Variants in AVPI1 observed in about 807,000 individuals in gnomAD.
The protein encoded by AVPI1 is arginine vasopressin induced 1.
Under a neutral mutation model 11.9 loss-of-function variants are expected in AVPI1, and 9 were observed. That is an observed-to-expected ratio of 0.76 (90% CI 0.46 to 1.32). The LOEUF (loss-of-function observed/expected upper bound fraction) is 1.32. AVPI1 is among the 40% of genes most tolerant of loss of function. The pLI is 0.00. For synonymous variants in AVPI1, 68 were observed against 78.1 expected (o/e 0.87, Z 0.68); for missense variants, 207 against 195.8 (o/e 1.06, Z -0.34).
chr10:97,683,425 T>G (rs535085056), intron 1 of AVPI1, among the ~76,000 whole-genome samples: 2 of 152,298 alleles, frequency 1.3e-5, no homozygotes, highest in South Asian at 2.1e-4. Context: ...TCCCAAAGTG[T>G]TGTGATTACA....
rs746461379 is a variant in AVPI1, at chr10:97,677,962, C to G, written c.351G>C (p.Glu117Asp). ...TTTTCTTCCTAGAGTGCAGATACTG[C>G]TCACTGGAGGCTGTCTCTGTGGCAC... Reference protein sequence around the residue: ...PQSATETASSEQYLHSRKKSA... With the variant: ...PQSATETASSDQYLHSRKKSA... Residue 117 changes from glutamate (E) to aspartate (D), a missense_variant, in exon 3 of 3, where the codon GAG becomes GAC. Coordinates refer to ENST00000370626, the MANE Select transcript of AVPI1 (RefSeq NM_021732.3). 1 of 1,614,070 alleles carries G rather than the reference C, an allele frequency of 6.2e-7. No homozygotes were observed. Among genetic ancestry groups the G allele is most frequent in the South Asian group, 1.1e-5 (1 of 91,086 alleles).
intron 1 of AVPI1, among the ~76,000 whole-genome samples, chr10:97,684,642 A>G (rs1341727013): frequency 6.6e-6 from 1 of 151,674 alleles, no homozygotes; most frequent in Non-Finnish European, 1.5e-5. Context: ...CTGGGATTAC[A>G]GGTGCCCACC....
rs750190187 is a variant in AVPI1 at position 97,679,612 on chromosome 10, A to T, written c.287+7T>A. ...CTTCCCTCAGCCATCCGGTTCTAGG[A>T]ACCTACCTGAGGCGGCTGCAGTGGT... On this transcript the variant is annotated splice_region_variant and intron_variant, in intron 2 of 2. Coordinates refer to ENST00000370626, the MANE Select transcript of AVPI1 (RefSeq NM_021732.3). The T allele has an allele frequency of 6.2e-6, 10 of 1,605,852 alleles. No homozygotes were observed. The highest frequency in any genetic ancestry group is 1.3e-5 in the African/African-American group (1 of 74,742).
intron 1 of AVPI1, among the ~76,000 whole-genome samples, chr10:97,680,831 A>G (rs2041699973): frequency 6.6e-6 from 1 of 152,226 alleles, no homozygotes; most frequent in African/African-American, 2.4e-5. Flanking sequence ...CTAATGAGCA[A>G]GAGGTGGAGG....
chr10:97,678,699 A>G (rs1017024863), intron 2 of AVPI1, among the ~76,000 whole-genome samples: 20 of 151,352 alleles, frequency 1.3e-4, no homozygotes, highest in African/African-American at 4.6e-4. Context: ...AAAAAAAAAA[A>G]AGAGAATCTC....
chr10:97,678,154 G>C (rs991071978), intron 2 of AVPI1, 129 bp from the exon 3 acceptor site: 64 of 1,017,496 alleles, frequency 6.3e-5, no homozygotes, highest in Non-Finnish European at 9.1e-5. Flanking sequence ...CTCTGCTCTG[G>C]TCTTTCCCCC....
intron 1 of AVPI1, among the ~76,000 whole-genome samples, chr10:97,680,969 G>A (rs983686650): frequency 1.3e-4 from 20 of 152,242 alleles, no homozygotes; most frequent in Non-Finnish European, 2.4e-4. Flanking sequence ...AAAATTAAAG[G>A]ATCTCCCTTG....
intron 2 of AVPI1, among the ~76,000 whole-genome samples, chr10:97,678,294 A>G (rs2041677519): frequency 6.6e-6 from 1 of 152,226 alleles, no homozygotes; most frequent in Non-Finnish European, 1.5e-5. Flanking sequence ...GTCATAAGTC[A>G]TGCTATTAAA....
chr10:97,678,285 T>C (rs1013866942), intron 2 of AVPI1, among the ~76,000 whole-genome samples: 2 of 152,190 alleles, frequency 1.3e-5, no homozygotes. Context: ...ATGGCAGATG[T>C]CATAAGTCAT....
At chr10:97,678,345 A>G (rs962785862) in intron 2 of AVPI1, among the ~76,000 whole-genome samples, 8 of 152,228 alleles carry the variant, frequency 5.3e-5, no homozygotes, top group African/African-American at 1.9e-4. Flanking sequence ...CTGGAGTTAA[A>G]TACAAGCTAT....
rs111410187 is a variant in AVPI1, at chr10:97,686,916, G to A, written c.-161C>T. ...CAGTCGGTGATCACGGGCAGCACAA[G>A]AGCATGGCAGAGGGTATCCTGGCCG... On this transcript the variant is annotated 5_prime_UTR_variant, in exon 1 of 3. Transcript: ENST00000370626. 2.6e-5 allele frequency: 4 copies of A among 152,426 alleles called. No homozygotes were observed. Among genetic ancestry groups the A allele is most frequent in the Non-Finnish European group, 4.4e-5 (3 of 68,138 alleles). 9.4% of individuals were successfully genotyped at this position (152,426 alleles called of 1,614,324 possible).
At chr10:97,686,081 C>T (rs2041727253) in intron 1 of AVPI1, among the ~76,000 whole-genome samples, 2 of 152,078 alleles carry the variant, frequency 1.3e-5, no homozygotes, top group South Asian at 4.1e-4. Context: ...CCAGGAGTTC[C>T]AGACCAGCCT....
intron 2 of AVPI1, among the ~76,000 whole-genome samples, chr10:97,678,956 T>G: frequency 1.7e-5 from 1 of 60,228 alleles, no homozygotes; most frequent in African/African-American, 6.7e-5. Flanking sequence ...TGTGTGTGTG[T>G]GTGTGTGTGT....
chr10:97,683,617 G>A (rs924410132), intron 1 of AVPI1, among the ~76,000 whole-genome samples: 6 of 152,258 alleles, frequency 3.9e-5, no homozygotes, highest in Non-Finnish European at 7.3e-5. Flanking sequence ...ACCTGGTGGA[G>A]GCAGGGGTGG....
chr10:97,680,624 A>C (rs2041699211), intron 1 of AVPI1, among the ~76,000 whole-genome samples: 1 of 152,186 alleles, frequency 6.6e-6, no homozygotes, highest in Non-Finnish European at 1.5e-5. Context: ...ACCTAGTACT[A>C]CTACCTACTT....
At chr10:97,681,583 A>G (rs2041704012) in intron 1 of AVPI1, among the ~76,000 whole-genome samples, 1 of 151,474 alleles carries the variant, frequency 6.6e-6, no homozygotes, top group African/African-American at 2.4e-5. Flanking sequence ...ACTCCGTCTT[A>G]AAAAAAAGAA....
chr10:97,682,880 A>G (rs1414916565), intron 1 of AVPI1, among the ~76,000 whole-genome samples: 2 of 152,244 alleles, frequency 1.3e-5, no homozygotes, highest in East Asian at 1.9e-4. Context: ...CTATATGGTA[A>G]TTAAGCCCCC....
intron 1 of AVPI1, among the ~76,000 whole-genome samples, chr10:97,682,224 G>A (rs2041708830): frequency 6.6e-6 from 1 of 152,164 alleles, no homozygotes; most frequent in Non-Finnish European, 1.5e-5. Flanking sequence ...CCTCTAAGCT[G>A]TGTGGCACAG....
chr10:97,684,497 CTTTT>C (rs5787253), intron 1 of AVPI1, among the ~76,000 whole-genome samples: 1 of 117,564 alleles, frequency 8.5e-6, no homozygotes. Context: ...TCTTTTTACT[CTTTT>C]TTTTTTTTTT....
Sources: allele counts gnomAD v4.1 joint callset (sites outside exome capture counted in the v4.1 genomes callset), GRCh38; gene constraint gnomAD v4.1.1; transcripts MANE v1.5; gene names NCBI Gene and HGNC (gene_info 2026-07-23, HGNC 2026-07-21).